ARHGAP6: variants seen among roughly 807,000 people sequenced by gnomAD.
ARHGAP6 encodes Rho GTPase activating protein 6.
Under a neutral mutation model 55.7 loss-of-function variants are expected in ARHGAP6, and 16 were observed. The observed-to-expected ratio is 0.29, with a 90% CI of 0.19 to 0.44. The LOEUF (loss-of-function observed/expected upper bound fraction) is 0.44. ARHGAP6 is among the 20% of genes least tolerant of loss of function. ARHGAP6 has a pLI of 1.00. For missense variants in ARHGAP6, 698 were observed against 808.9 expected, an observed-to-expected ratio of 0.86 and a Z score of 1.66; for synonymous variants, 382 against 360.9, an observed-to-expected ratio of 1.06 and a Z score of -0.66.
At chrX:11,328,852 T>C (rs1285429819) in intron 1 of ARHGAP6, among the ~76,000 whole-genome samples, 7 of 112,416 alleles carry the variant, frequency 6.2e-5, no homozygotes, top group Non-Finnish European at 1.1e-4. Flanking sequence ...ACAAAAATTC[T>C]AATTTCAATT....
intron 1 of ARHGAP6, among the ~76,000 whole-genome samples, chrX:11,552,500 G>T (rs2051276214): frequency 1.1e-5 from 1 of 87,991 alleles, no homozygotes; most frequent in African/African-American, 4.3e-5. Flanking sequence ...CGAGAGCCAA[G>T]ATATGGAATC....
At chrX:11,295,214 C>T (rs2048063085) in intron 1 of ARHGAP6, among the ~76,000 whole-genome samples, 1 of 111,597 alleles carries the variant, frequency 9.0e-6, no homozygotes, top group Non-Finnish European at 1.9e-5. Context: ...ACAAATATTA[C>T]AGAGATGCCA....
intron 2 of ARHGAP6, among the ~76,000 whole-genome samples, chrX:11,231,595 T>A (rs752616020): frequency 8.9e-6 from 1 of 112,537 alleles, no homozygotes; most frequent in East Asian, 2.8e-4. Context: ...TAGGCTTATA[T>A]CTTTGTGAAG....
intron 10 of ARHGAP6, chrX:11,144,935 A>G (rs1413558342): frequency 8.8e-6 from 1 of 113,083 alleles, no homozygotes; most frequent in Non-Finnish European, 1.9e-5. Flanking sequence ...ACAAACTGAT[A>G]TGATGTACTA....
chrX:11,375,415 G>A (rs968514163), intron 1 of ARHGAP6, among the ~76,000 whole-genome samples: 1 of 112,180 alleles, frequency 8.9e-6, no homozygotes, highest in Non-Finnish European at 1.9e-5. Context: ...TGCTGTAATT[G>A]TAAGAAAATT....
At chrX:11,647,156 T>C (rs1397464036) in intron 1 of ARHGAP6, among the ~76,000 whole-genome samples, 1 of 112,274 alleles carries the variant, frequency 8.9e-6, no homozygotes, top group Admixed American at 9.5e-5. Context: ...AGTGGTATTT[T>C]TTCCAATGGT....
rs750279440 is a variant in ARHGAP6, at chrX:11,452,930, T to C, written c.589-198223A>G. ...TTGCAGAGTTGTGGAAAGTCAAGTT[T>C]TCCAAATCTACTCCTCACTAATATA... On this transcript the variant is annotated intron_variant, in intron 1 of 12. Coordinates refer to ENST00000337414, the MANE Select transcript of ARHGAP6 (RefSeq NM_013427.3). Among the ~76,000 whole-genome samples the C allele has an allele frequency of 6.7e-4, 74 of 110,903 alleles. 1 individual carries two copies. Among genetic ancestry groups the C allele is most frequent in the Non-Finnish European group, 1.2e-3 (64 of 53,078 alleles).
At chrX:11,381,488 A>C (rs760593422) in intron 1 of ARHGAP6, among the ~76,000 whole-genome samples, 2 of 112,186 alleles carry the variant, frequency 1.8e-5, no homozygotes, top group Non-Finnish European at 3.8e-5. Flanking sequence ...CGACCATAGA[A>C]GATATAAACC....
At chrX:11,551,996 G>A (rs1349731761) in intron 1 of ARHGAP6, among the ~76,000 whole-genome samples, 1 of 111,647 alleles carries the variant, frequency 9.0e-6, no homozygotes, top group Non-Finnish European at 1.9e-5. Context: ...AATACAATGA[G>A]CTGTACGAGA....
chrX:11,368,319 C>G (rs2049106862), intron 1 of ARHGAP6, among the ~76,000 whole-genome samples: 1 of 112,154 alleles, frequency 8.9e-6, no homozygotes, highest in Admixed American at 9.5e-5. Context: ...TTACAAGATA[C>G]AGCTCAGGGT....
intron 1 of ARHGAP6, among the ~76,000 whole-genome samples, chrX:11,589,297 C>T (rs1484564340): frequency 9.2e-6 from 1 of 109,278 alleles, no homozygotes; most frequent in Admixed American, 9.9e-5. Context: ...CCGCCTCGGC[C>T]TCCCAAAGTG....
At position 11,426,173 on chromosome X, in the gene ARHGAP6, A is replaced by G. The variant is rs564002849; in HGVS notation, c.589-171466T>C. Among the ~76,000 whole-genome samples, 10 of 111,384 alleles carry G rather than the reference A, an allele frequency of 9.0e-5. No homozygotes were observed. The East Asian group carries it at 2.5e-3, about 28-fold the overall frequency. ...CGTTTGCCTGGGAAGGTATCTTAACAATTTCCTAATTCAGGTCTTCATTTT... is the reference window on the plus strand; with the variant it reads ...CGTTTGCCTGGGAAGGTATCTTAACGATTTCCTAATTCAGGTCTTCATTTT... On this transcript the variant is annotated intron_variant, in intron 1 of 12. Coordinates refer to ENST00000337414, the MANE Select transcript of ARHGAP6 (RefSeq NM_013427.3).
intron 1 of ARHGAP6, among the ~76,000 whole-genome samples, chrX:11,300,184 T>G (rs145680107): frequency 0.01 from 1,139 of 111,920 alleles, 24 homozygotes; most frequent in African/African-American, 0.034. Context: ...TGTGCTCACA[T>G]CTTGACAAAG....
chrX:11,144,802 C>A (rs962287489), intron 10 of ARHGAP6, among the ~76,000 whole-genome samples: 4 of 112,019 alleles, frequency 3.6e-5, no homozygotes, highest in African/African-American at 1.3e-4. Context: ...GATGTTGATG[C>A]CACCGGTGGG....
At chrX:11,196,180 A>C (rs867616506) in intron 3 of ARHGAP6, among the ~76,000 whole-genome samples, 1 of 93,729 alleles carries the variant, frequency 1.1e-5, no homozygotes, top group Admixed American at 1.1e-4. Flanking sequence ...CAAAACAAAA[A>C]AACTAATAGC....
intron 1 of ARHGAP6, among the ~76,000 whole-genome samples, chrX:11,447,163 A>G (rs756466431): frequency 8.9e-6 from 1 of 111,945 alleles, no homozygotes; most frequent in Non-Finnish European, 1.9e-5. Context: ...TCTTCAAGGG[A>G]GTAAGTTAAG....
intron 11 of ARHGAP6, chrX:11,142,594 C>T (rs2045635492): frequency 7.3e-6 from 1 of 136,715 alleles, no homozygotes; most frequent in Non-Finnish European, 1.5e-5. Flanking sequence ...TCGAAAAGGG[C>T]TTTGCAGGTG....
At chrX:11,234,145 C>T (rs1277569045) in intron 2 of ARHGAP6, among the ~76,000 whole-genome samples, 1 of 112,363 alleles carries the variant, frequency 8.9e-6, no homozygotes, top group African/African-American at 3.2e-5. Flanking sequence ...CATCTATTGT[C>T]CAAATCATGA....
Position 11,572,319 on chromosome X carries a change from C to T in ARHGAP6, c.588+91922G>A, listed in dbSNP as rs1299533108. Among the ~76,000 whole-genome samples, 10 of 110,210 alleles carry T rather than the reference C, an allele frequency of 9.1e-5. No individual in the cohort carries two copies. In the Admixed American group the frequency reaches 9.7e-4, roughly 11 times the overall value. On this transcript the variant is annotated intron_variant, in intron 1 of 12. Coordinates refer to ENST00000337414, the MANE Select transcript of ARHGAP6 (RefSeq NM_013427.3). The stretch of plus-strand genomic sequence containing the variant: ...CGTCATTTAGCATTAGGTATATCTC[C>T]TAATGCTATCCCTCCCCCCTCCTCC...
Sources: gnomAD v4.1 joint callset for allele counts (sites outside exome capture counted in the v4.1 genomes callset) on GRCh38, gnomAD v4.1.1 for gene constraint, MANE v1.5 for transcripts, NCBI Gene and HGNC (gene_info 2026-07-23, HGNC 2026-07-21) for gene names.